Variants in DCAF10 observed in about 807,000 individuals in gnomAD.
The protein encoded by DCAF10 is DDB1 and CUL4 associated factor 10, also known as DDB1- and CUL4-associated factor 10.
A neutral mutation model predicts 51.9 loss-of-function variants in DCAF10; 19 were observed. The ratio of observed to expected loss-of-function variants is 0.37; its 90% CI spans 0.26 to 0.54. The LOEUF (loss-of-function observed/expected upper bound fraction) is 0.54. DCAF10 is among the 20% of genes least tolerant of loss of function. DCAF10 has a pLI of 0.87. For synonymous variants in DCAF10, 291 were observed against 297.1 expected, an observed-to-expected ratio of 0.98 and a Z score of 0.21; for missense variants, 510 against 730.6, an observed-to-expected ratio of 0.70 and a Z score of 3.48.
rs1047650335 is a variant in DCAF10, at chr9:37,801,972, G to A, written c.539+567G>A. On this transcript the variant is annotated intron_variant, in intron 1 of 6. Transcript: ENST00000377724. The surrounding 1 kb of genome is among the most constrained non-coding windows in gnomAD (Gnocchi z 5.5). ...AGGCTAGACTACAGCCTTTTTCTTG[G>A]CTGATTAAATATTTATTGTATGGCT... Among the ~76,000 whole-genome samples, 1 of 152,122 alleles carries A rather than the reference G, an allele frequency of 6.6e-6. No homozygotes were observed. Among genetic ancestry groups the A allele is most frequent in the Admixed American group, 6.6e-5 (1 of 15,264 alleles).
chr9:37,852,121 T>C (rs746795240), intron 3 of DCAF10, among the ~76,000 whole-genome samples: 1 of 152,084 alleles, frequency 6.6e-6, no homozygotes, highest in Non-Finnish European at 1.5e-5. Context: ...TGCAGTACTC[T>C]AAAGACAGAG....
At chr9:37,860,600 A>G (rs150593554) in intron 6 of DCAF10, among the ~76,000 whole-genome samples, 1 of 152,332 alleles carries the variant, frequency 6.6e-6, no homozygotes, top group East Asian at 1.9e-4. Context: ...CCAATTGAGT[A>G]TCATAATTTT....
chr9:37,816,210 A>G (rs1829527297), intron 1 of DCAF10, among the ~76,000 whole-genome samples: 1 of 152,254 alleles, frequency 6.6e-6, no homozygotes, highest in South Asian at 2.1e-4. Flanking sequence ...AATTTTGTTG[A>G]GAGAATTACA....
intron 2 of DCAF10, among the ~76,000 whole-genome samples, chr9:37,840,584 A>C (rs981111292): frequency 6.6e-6 from 1 of 152,262 alleles, no homozygotes; most frequent in Non-Finnish European, 1.5e-5. Flanking sequence ...CTGTTATTAC[A>C]AAAGAGTCAA....
chr9:37,857,147 T>A, intron 4 of DCAF10, 94 bp from the exon 5 acceptor site: 2 of 1,030,564 alleles, frequency 1.9e-6, no homozygotes, highest in Non-Finnish European at 2.8e-6. Flanking sequence ...TTTTTCAAAA[T>A]TTTAAAACTA....
intron 1 of DCAF10, among the ~76,000 whole-genome samples, chr9:37,802,819 GCAGCCTCCTTCCTT>G (rs1460881231): frequency 2.0e-5 from 3 of 152,136 alleles, no homozygotes; most frequent in Non-Finnish European, 2.9e-5. Flanking sequence ...ATGGAACCTC[GCAGCCTCCTTCCTT>G]CAGCCAAGCC....
At chr9:37,808,197 GC>G (rs1829181890) in intron 1 of DCAF10, among the ~76,000 whole-genome samples, 2 of 151,808 alleles carry the variant, frequency 1.3e-5, no homozygotes. Context: ...ACTTTGGGAG[GC>G]TGAGGCAGGT....
rs546251120 is a variant in DCAF10 at position 37,800,986 on chromosome 9, C to A, written c.120C>A (p.Pro40=). Reference sequence around the variant, plus strand: ...CCGGGCCGCCCTCGCCACTACATCCCGGGGCTGATGCGACCCATCCCCCTC... The same window carrying A: ...CCGGGCCGCCCTCGCCACTACATCCAGGGGCTGATGCGACCCATCCCCCTC... ...AATGPPSPLH[P]GADATHPPPP... is the part of the protein sequence containing the mutation. The change falls in exon 1 of 7, where the codon CCC becomes CCA. Residue 40 remains proline, a synonymous_variant. Transcript: ENST00000377724. 5.9e-6 allele frequency: 9 copies of A among 1,530,684 alleles called. No individual in the cohort carries two copies. The highest frequency in any genetic ancestry group is 7.8e-6 in the Non-Finnish European group (9 of 1,148,578). The allele number at this position is 1,530,684 out of a possible 1,614,324, so 94.8% of individuals were successfully genotyped here.
At chr9:37,851,042 G>A (rs993421546) in intron 3 of DCAF10, among the ~76,000 whole-genome samples, 2 of 151,172 alleles carry the variant, frequency 1.3e-5, no homozygotes, top group South Asian at 2.1e-4. Context: ...TCAGGAGTTC[G>A]AGACCAGCCT....
chr9:37,817,399 A>C (rs1012399870), intron 1 of DCAF10, among the ~76,000 whole-genome samples: 1 of 151,970 alleles, frequency 6.6e-6, no homozygotes, highest in Non-Finnish European at 1.5e-5. Flanking sequence ...GAGGTTTGAG[A>C]CCAGCCAGGG....
At chr9:37,814,162 G>T (rs1477748784) in intron 1 of DCAF10, among the ~76,000 whole-genome samples, 1 of 126,602 alleles carries the variant, frequency 7.9e-6, no homozygotes, top group Non-Finnish European at 1.6e-5. Context: ...TTGTTGAGAT[G>T]GAGTCTCATT....
chr9:37,824,336 T>C (rs1829792033), intron 2 of DCAF10, among the ~76,000 whole-genome samples: 1 of 152,048 alleles, frequency 6.6e-6, no homozygotes, highest in Non-Finnish European at 1.5e-5. Context: ...GAAGGTATAA[T>C]ATGTTAAGGC....
intron 2 of DCAF10, among the ~76,000 whole-genome samples, chr9:37,837,808 C>G (rs1025171878): frequency 6.7e-6 from 1 of 149,854 alleles, no homozygotes; most frequent in Middle Eastern, 3.2e-3. Context: ...GACATGCTAT[C>G]AGGTATCAGT....
At position 37,862,439 on chromosome 9, in the gene DCAF10, G is replaced by A. The variant is rs1188792267; in HGVS notation, c.*931G>A. ...GATTATTTGAATCACACAGGATGAT[G>A]TGTTAACAGTATTAGGGTGGAAGAG... On this transcript the variant is annotated 3_prime_UTR_variant, in exon 7 of 7. Coordinates refer to ENST00000377724, the MANE Select transcript of DCAF10 (RefSeq NM_024345.5). 1 of 152,216 alleles carries A rather than the reference G, an allele frequency of 6.6e-6. No individual in the cohort carries two copies. The highest frequency in any genetic ancestry group is 1.5e-5 in the Non-Finnish European group (1 of 68,034). 9.4% of individuals were successfully genotyped at this position (152,216 alleles called of 1,614,324 possible).
chr9:37,855,469 A>T (rs1830819296), intron 4 of DCAF10, among the ~76,000 whole-genome samples: 1 of 152,212 alleles, frequency 6.6e-6, no homozygotes, highest in South Asian at 2.1e-4. Flanking sequence ...CTTTTGCTAA[A>T]ACTCTGTCTC....
At position 37,829,357 on chromosome 9, in the gene DCAF10, T is replaced by C. The variant is rs929250280; in HGVS notation, c.653+9956T>C. On this transcript the variant is annotated intron_variant, in intron 2 of 6. Transcript: ENST00000377724. The surrounding 1 kb of genome is among the most constrained non-coding windows in gnomAD (Gnocchi z 4.2). Reference sequence around the variant, plus strand: ...CGGGAGGCTGAGACAGGAGAATCACTTGAACCCGGGAGGCGGAGGTTGCGG... The same window carrying C: ...CGGGAGGCTGAGACAGGAGAATCACCTGAACCCGGGAGGCGGAGGTTGCGG... Among the ~76,000 whole-genome samples the C allele has an allele frequency of 2.0e-5, 3 of 152,134 alleles. No individual in the cohort carries two copies. The highest frequency in any genetic ancestry group is 6.6e-5 in the Admixed American group (1 of 15,266).
Position 37,800,964 on chromosome 9 carries a change from G to A in DCAF10, c.98G>A (p.Gly33Glu), listed in dbSNP as rs1241094250. The part of the protein sequence containing the change: ...TPHEGQAAAT[G>E]PPSPLHPGAD... ...CACGAGGGGCAGGCAGCAGCCACCG[G>A]GCCGCCCTCGCCACTACATCCCGGG... The change falls in exon 1 of 7, where the codon GGG becomes GAG. Residue 33 changes from glycine (G) to glutamate (E), a missense_variant. Physicochemically the swap from Gly to Glu is moderately conservative, Grantham distance 98 (BLOSUM62 -2). Transcript: ENST00000377724. 1 of 1,509,356 alleles carries A rather than the reference G, an allele frequency of 6.6e-7. No individual in the cohort carries two copies. The allele number at this position is 1,509,356 out of a possible 1,614,324, so 93.5% of individuals were successfully genotyped here. A position where few individuals can be genotyped will look rare whatever the true frequency, so the allele number is the denominator to read the frequency against.
intron 1 of DCAF10, among the ~76,000 whole-genome samples, chr9:37,804,307 T>C (rs1303740316): frequency 2.0e-5 from 3 of 150,532 alleles, no homozygotes; most frequent in Non-Finnish European, 3.0e-5. Context: ...TTATACCATA[T>C]AAGCATATCA....
Position 37,801,143 on chromosome 9 carries a change from C to G in DCAF10, c.277C>G (p.Pro93Ala). 1.3e-6 allele frequency: 2 copies of G among 1,537,846 alleles called. No individual in the cohort carries two copies. The highest frequency in any genetic ancestry group is 1.4e-5 in the African/African-American group (1 of 70,512). The change falls in exon 1 of 7, where the codon CCT (proline) becomes GCT (alanine). Residue 93 changes from proline (P) to alanine (A), a missense_variant. Pro to Ala is a conservative substitution (Grantham distance 27). Coordinates refer to ENST00000377724, the MANE Select transcript of DCAF10 (RefSeq NM_024345.5). This position sits in a 1 kb window ranked among gnomAD's most constrained non-coding sequence, Gnocchi z 5.5. ...SAPGEPSPPS[P>A]PCRRPGPDCR... ...CCCGGGAGAGCCGTCACCTCCCTCC[C>G]CTCCGTGCCGGCGGCCCGGGCCAGA...
Sources: gnomAD v4.1 joint callset for allele counts (sites outside exome capture counted in the v4.1 genomes callset) on GRCh38, gnomAD v4.1.1 for gene constraint, Gnocchi (gnomAD v3.1) non-coding constraint, MANE v1.5 for transcripts, NCBI Gene and HGNC (gene_info 2026-07-23, HGNC 2026-07-21) for gene names.